The following SH3BGRL variants were observed in gnomAD, a reference collection of about 807,000 sequenced individuals.
The protein encoded by SH3BGRL is SH3 domain binding glutamate rich protein like.
A neutral mutation model predicts 9.8 loss-of-function variants in SH3BGRL; 7 were observed. That is an observed-to-expected ratio of 0.72 (90% CI 0.41 to 1.35). The LOEUF (loss-of-function observed/expected upper bound fraction) is 1.35, where lower values mean the gene tolerates loss of function less well. SH3BGRL is among the 40% of genes most tolerant of loss of function. The probability of loss-of-function intolerance (pLI) is 0.01; values close to 1 mark genes in which losing one functional copy is unlikely to be tolerated. For synonymous variants in SH3BGRL, 36 were observed against 29.1 expected (o/e 1.24, Z -0.76); for missense variants, 73 against 84.4 (o/e 0.86, Z 0.53).
In SH3BGRL at chrX:81,242,867, T is replaced by C. The variant is rs1295745430; in HGVS notation, c.46-34117T>C. Reference sequence around the variant, plus strand: ...ATCTCACCCCAGTTAAAATGGCTTATCTAGAAAGACAGGCAATAGAAAATT... The same window carrying C: ...ATCTCACCCCAGTTAAAATGGCTTACCTAGAAAGACAGGCAATAGAAAATT... On this transcript the variant is annotated intron_variant, in intron 1 of 3. Coordinates refer to ENST00000373212, the MANE Select transcript of SH3BGRL (RefSeq NM_003022.3). 2.7e-5 allele frequency among the ~76,000 whole-genome samples: 3 copies of C among 111,801 alleles called. No individual in the cohort carries two copies. In the Admixed American group the frequency reaches 2.8e-4, roughly 11 times the overall value.
At chrX:81,288,349 A>C (rs1158258709) in intron 3 of SH3BGRL, among the ~76,000 whole-genome samples, 1 of 112,115 alleles carries the variant, frequency 8.9e-6, no homozygotes, top group Non-Finnish European at 1.9e-5. Flanking sequence ...ATGAGGAAAA[A>C]CTGAATGCCT....
intron 1 of SH3BGRL, among the ~76,000 whole-genome samples, chrX:81,213,956 A>G (rs1228144863): frequency 1.8e-5 from 2 of 111,539 alleles, no homozygotes; most frequent in African/African-American, 6.5e-5. Context: ...CAAACTATGG[A>G]AAAGAATGAA....
At chrX:81,222,418 C>T (rs12836763) in intron 1 of SH3BGRL, among the ~76,000 whole-genome samples, 16,757 of 101,991 alleles carry the variant, frequency 0.16, 1,439 homozygotes, top group East Asian at 0.69. Context: ...TGAGAACATG[C>T]GGTGTTTGGC....
chrX:81,236,988 T>C (rs768229158), intron 1 of SH3BGRL: 5 of 471,461 alleles, frequency 1.1e-5, no homozygotes, highest in Non-Finnish European at 1.5e-5. Flanking sequence ...GCAAGGAACC[T>C]TCAGTAAGAA....
intron 1 of SH3BGRL, among the ~76,000 whole-genome samples, chrX:81,259,688 C>T (rs2075735540): frequency 8.9e-6 from 1 of 111,804 alleles, no homozygotes; most frequent in African/African-American, 3.2e-5. Context: ...TGCTTTAAGG[C>T]ACCTACTCCC....
intron 3 of SH3BGRL, among the ~76,000 whole-genome samples, chrX:81,291,771 C>T (rs1296910526): frequency 8.9e-6 from 1 of 111,882 alleles, no homozygotes; most frequent in Non-Finnish European, 1.9e-5. Flanking sequence ...TAGGTAAGTG[C>T]TCCTATTACA....
At chrX:81,237,828 C>T (rs747047949) in intron 1 of SH3BGRL, among the ~76,000 whole-genome samples, 3 of 105,289 alleles carry the variant, frequency 2.8e-5, no homozygotes, top group South Asian at 9.1e-4. Flanking sequence ...CCAAAAGAAG[C>T]GCCTTCCTTC....
chrX:81,252,546 C>T (rs1569364096), intron 1 of SH3BGRL, among the ~76,000 whole-genome samples: 1 of 111,587 alleles, frequency 9.0e-6, no homozygotes, highest in Non-Finnish European at 1.9e-5. Flanking sequence ...TTTGGCGTCC[C>T]TGGGCCGCAT....
chrX:81,271,583 A>T (rs1267157219), intron 1 of SH3BGRL, among the ~76,000 whole-genome samples: 1 of 111,651 alleles, frequency 9.0e-6, no homozygotes, highest in Non-Finnish European at 1.9e-5. Flanking sequence ...CCTCCAAGAA[A>T]TATAGGACTA....
intron 1 of SH3BGRL, among the ~76,000 whole-genome samples, chrX:81,223,141 G>A (rs1212411596): frequency 4.5e-5 from 5 of 111,123 alleles, no homozygotes; most frequent in African/African-American, 1.3e-4. Context: ...TCACTCTGAT[G>A]GTGGTTTCTT....
chrX:81,269,100 C>T (rs1009804392), intron 1 of SH3BGRL, among the ~76,000 whole-genome samples: 1 of 111,298 alleles, frequency 9.0e-6, no homozygotes, highest in Non-Finnish European at 1.9e-5. Flanking sequence ...TATTTTGGGC[C>T]TATGTTTGTC....
intron 1 of SH3BGRL, among the ~76,000 whole-genome samples, 176 bp from the exon 2 acceptor site, chrX:81,276,808 A>G (rs1040763687): frequency 8.9e-6 from 1 of 112,156 alleles, no homozygotes; most frequent in Admixed American, 9.4e-5. Context: ...CCAGTGGACC[A>G]AAAGCTCTTC....
chrX:81,286,516 AAAAAAAAAGAG>A (rs2075834673), intron 3 of SH3BGRL, among the ~76,000 whole-genome samples: 1 of 106,168 alleles, frequency 9.4e-6, no homozygotes, highest in Admixed American at 1.0e-4. Flanking sequence ...AAAAAAAAAA[AAAAAAAAAGAG>A]AGGGGAAAAG....
intron 1 of SH3BGRL, among the ~76,000 whole-genome samples, chrX:81,206,910 A>G (rs2075549546): frequency 8.9e-6 from 1 of 112,372 alleles, no homozygotes; most frequent in African/African-American, 3.2e-5. Flanking sequence ...GTCTGTCTAT[A>G]TGAAGTGATT....
chrX:81,205,839 T>C (rs1258360918), intron 1 of SH3BGRL, among the ~76,000 whole-genome samples: 1 of 110,900 alleles, frequency 9.0e-6, no homozygotes, highest in African/African-American at 3.3e-5. Context: ...AGCAAAAGTG[T>C]ACTAGTATTC....
At chrX:81,261,343 A>T (rs939866484) in intron 1 of SH3BGRL, among the ~76,000 whole-genome samples, 1 of 111,562 alleles carries the variant, frequency 9.0e-6, no homozygotes, top group African/African-American at 3.2e-5. Flanking sequence ...AGTGCCTGCT[A>T]TAGCTATTAT....
rs188993291 is a variant in SH3BGRL, at chrX:81,276,016, G to T, written c.46-968G>T. On this transcript the variant is annotated intron_variant, in intron 1 of 3. Transcript: ENST00000373212. ...GATTTATTTTATTTTATTTTTTGAT[G>T]ACAACACTCCATGTGTCTTTATTTT... Among the ~76,000 whole-genome samples, 147 of 110,754 alleles carry T rather than the reference G, an allele frequency of 1.3e-3. 2 individuals carry two copies. Among genetic ancestry groups the T allele is most frequent in the Admixed American group, 1.8e-3 (19 of 10,419 alleles).
chrX:81,204,796 TG>T (rs2075541020), intron 1 of SH3BGRL, among the ~76,000 whole-genome samples: 1 of 112,154 alleles, frequency 8.9e-6, no homozygotes, highest in African/African-American at 3.2e-5. Flanking sequence ...CAATCCAGCC[TG>T]GGCAACAGAG....
At chrX:81,292,088 G>T (rs1482024662) in intron 3 of SH3BGRL, among the ~76,000 whole-genome samples, 3 of 111,519 alleles carry the variant, frequency 2.7e-5, no homozygotes, top group African/African-American at 9.8e-5. Flanking sequence ...CTTTCTCACA[G>T]CTACACTAGG....
Sources: gnomAD v4.1 joint callset for allele counts (sites outside exome capture counted in the v4.1 genomes callset) on GRCh38, gnomAD v4.1.1 for gene constraint, MANE v1.5 for transcripts, NCBI Gene and HGNC (gene_info 2026-07-23, HGNC 2026-07-21) for gene names.